Variants in MSRA observed in about 807,000 individuals in gnomAD.
The protein encoded by MSRA is methionine sulfoxide reductase A, also known as mitochondrial peptide methionine sulfoxide reductase.
MSRA carries 54 observed loss-of-function variants against 31.3 expected under a neutral mutation model. The ratio of observed to expected loss-of-function variants is 1.73; its 90% CI spans 1.39 to 2.17. The LOEUF (loss-of-function observed/expected upper bound fraction) is 2.17. Among genes scored for constraint, MSRA ranks in the 30% most tolerant of loss-of-function variants. MSRA has a pLI of 0.00. For missense variants in MSRA, 507 were observed against 300.9 expected (o/e 1.69, Z -5.07); for synonymous variants, 169 against 116.5 (o/e 1.45, Z -2.90).
intron 3 of MSRA, among the ~76,000 whole-genome samples, chr8:10,276,630 C>G (rs973900841): frequency 6.6e-6 from 1 of 152,180 alleles, no homozygotes; most frequent in African/African-American, 2.4e-5. Flanking sequence ...AACATCTCAT[C>G]ATTTGGAGCA....
At chr8:10,140,403 T>A (rs956761947) in intron 1 of MSRA, among the ~76,000 whole-genome samples, 13 of 152,224 alleles carry the variant, frequency 8.5e-5, no homozygotes, top group African/African-American at 3.1e-4. Context: ...AACCCCATCA[T>A]TTGCATAGCT....
At chr8:10,217,432 G>A (rs1473922136) in intron 2 of MSRA, among the ~76,000 whole-genome samples, 14 of 152,304 alleles carry the variant, frequency 9.2e-5, no homozygotes, top group Admixed American at 5.9e-4. Flanking sequence ...AGTTAATTGC[G>A]TTGTATCTAA....
intron 1 of MSRA, among the ~76,000 whole-genome samples, chr8:10,172,192 C>G (rs993191881): frequency 6.6e-6 from 1 of 152,160 alleles, no homozygotes; most frequent in Middle Eastern, 3.2e-3. Flanking sequence ...GCAGTGGGAT[C>G]TGGTCACGGG....
In MSRA at chr8:10,123,386, T is replaced by C. The variant is rs116594723; in HGVS notation, c.142+68728T>C. On this transcript the variant is annotated intron_variant, in intron 1 of 5. Coordinates refer to ENST00000317173, the MANE Select transcript of MSRA (RefSeq NM_012331.5). ...TCTAATGGGGTTTTGTTTTTTCTTA[T>C]AAATTTGTTTGAGTTTCTTATTAGA... is the stretch of plus-strand genomic sequence containing the variant. Among the ~76,000 whole-genome samples the C allele has an allele frequency of 3.3e-3, 509 of 152,374 alleles. 4 individuals are homozygous for C. The highest frequency in any genetic ancestry group is 0.011 in the African/African-American group (472 of 41,590).
chr8:10,192,387 A>G (rs1255093710), intron 1 of MSRA, among the ~76,000 whole-genome samples: 1 of 152,168 alleles, frequency 6.6e-6, no homozygotes, highest in Admixed American at 6.5e-5. Context: ...CCCCCTACCA[A>G]GCCTTCAGAT....
intron 5 of MSRA, among the ~76,000 whole-genome samples, chr8:10,389,511 G>A (rs1806600031): frequency 6.6e-6 from 1 of 152,190 alleles, no homozygotes; most frequent in Non-Finnish European, 1.5e-5. Flanking sequence ...TACTACTTCA[G>A]TAATCAAATT....
intron 1 of MSRA, among the ~76,000 whole-genome samples, chr8:10,175,408 A>G (rs76901850): frequency 0.019 from 2,918 of 152,320 alleles, 97 homozygotes; most frequent in African/African-American, 0.066. Context: ...CACAACGATC[A>G]TTATTTTTGC....
intron 1 of MSRA, among the ~76,000 whole-genome samples, chr8:10,094,864 G>C (rs868696465): frequency 1.3e-5 from 2 of 152,170 alleles, no homozygotes; most frequent in African/African-American, 2.4e-5. Context: ...AATATGAAAA[G>C]ATACTTGCTG....
intron 3 of MSRA, among the ~76,000 whole-genome samples, chr8:10,300,906 T>C (rs34028848): frequency 0.16 from 24,130 of 151,940 alleles, 2,424 homozygotes; most frequent in Non-Finnish European, 0.2. Flanking sequence ...TTACAGAGGA[T>C]CCTGCAAGTA....
At position 10,212,185 on chromosome 8, in the gene MSRA, T is replaced by A. The variant is rs1467285503; in HGVS notation, c.211+4284T>A. Among the ~76,000 whole-genome samples, 6 of 141,200 alleles carry A rather than the reference T, an allele frequency of 4.2e-5. No individual in the cohort carries two copies. The East Asian group carries it at 6.1e-4, about 14-fold the overall frequency. The allele number at this position is 141,200 out of a possible 152,430, so 92.6% of individuals were successfully genotyped here. On this transcript the variant is annotated intron_variant, in intron 2 of 5. Coordinates refer to ENST00000317173, the MANE Select transcript of MSRA (RefSeq NM_012331.5). ...CTAGGTAACAGAGCGAGACTCTGTC[T>A]AAAAAAAAAAAAAATTTAAACTTTA...
At chr8:10,143,486 C>T (rs1307797222) in intron 1 of MSRA, among the ~76,000 whole-genome samples, 2 of 152,118 alleles carry the variant, frequency 1.3e-5, no homozygotes, top group African/African-American at 4.8e-5. Context: ...TGTCGTTATT[C>T]CCCTTTCATC....
At chr8:10,425,543 C>T (rs1169914119) in intron 5 of MSRA, among the ~76,000 whole-genome samples, 1 of 152,234 alleles carries the variant, frequency 6.6e-6, no homozygotes, top group Non-Finnish European at 1.5e-5. Flanking sequence ...GCAGCTGTGC[C>T]TGGGAGGCCA....
chr8:10,313,449 G>T (rs1465228358), intron 4 of MSRA, among the ~76,000 whole-genome samples: 3 of 151,020 alleles, frequency 2.0e-5, no homozygotes, highest in African/African-American at 7.3e-5. Flanking sequence ...CCTTGAAGTG[G>T]AGTGCTACCA....
chr8:10,324,387 C>T (rs970661913), intron 5 of MSRA, among the ~76,000 whole-genome samples: 3 of 152,142 alleles, frequency 2.0e-5, no homozygotes, highest in African/African-American at 7.2e-5. Context: ...GATCCCTGGC[C>T]CTCTGCTCTC....
intron 3 of MSRA, among the ~76,000 whole-genome samples, chr8:10,282,442 G>C (rs1401413037): frequency 6.6e-6 from 1 of 152,236 alleles, no homozygotes; most frequent in Non-Finnish European, 1.5e-5. Context: ...TGATCCAGAT[G>C]TTTTCTGTTA....
intron 4 of MSRA, among the ~76,000 whole-genome samples, chr8:10,316,527 CCTCTCTCTCTCTCTCTCTCTCTCTCTCT>C (rs139421344): frequency 2.8e-4 from 32 of 112,548 alleles, no homozygotes; most frequent in Non-Finnish European, 4.6e-4. Flanking sequence ...TTTGATGATC[CCTCTCTCTCTCTCTCTCTCTCTCTCTCT>C]CTCTCTCTCT....
intron 5 of MSRA, among the ~76,000 whole-genome samples, chr8:10,364,302 T>G (rs1488763821): frequency 2.0e-5 from 3 of 152,194 alleles, no homozygotes; most frequent in Non-Finnish European, 2.9e-5. Flanking sequence ...TTGTTGCTGT[T>G]TTGCAGAATC....
intron 1 of MSRA, among the ~76,000 whole-genome samples, chr8:10,189,795 G>C (rs1807356404): frequency 6.6e-6 from 1 of 152,092 alleles, no homozygotes; most frequent in Non-Finnish European, 1.5e-5. Flanking sequence ...GTTTTCTTGT[G>C]TCTTTGTCTG....
chr8:10,189,047 G>A (rs1457378672), intron 1 of MSRA, among the ~76,000 whole-genome samples: 1 of 152,068 alleles, frequency 6.6e-6, no homozygotes, highest in Non-Finnish European at 1.5e-5. Context: ...TCTCAACAGT[G>A]TTTTATAGTT....
Sources: gnomAD v4.1 joint callset for allele counts (sites outside exome capture counted in the v4.1 genomes callset) on GRCh38, gnomAD v4.1.1 for gene constraint, MANE v1.5 for transcripts, NCBI Gene and HGNC (gene_info 2026-07-23, HGNC 2026-07-21) for gene names.